SLC38A9: variants seen among roughly 807,000 people sequenced by gnomAD.
The protein encoded by SLC38A9 is neutral amino acid transporter 9.
SLC38A9 carries 48 observed loss-of-function variants against 62.3 expected under a neutral mutation model. That is an observed-to-expected ratio of 0.77 (90% CI 0.61 to 0.98). SLC38A9 has a LOEUF of 0.98. Ranked by LOEUF, SLC38A9 falls within the 50% of genes least tolerant of loss-of-function variation. The pLI, the probability that SLC38A9 is intolerant of heterozygous loss-of-function variation, is 0.00. For synonymous variants in SLC38A9, 204 were observed against 227.7 expected, an observed-to-expected ratio of 0.90 and a Z score of 0.94; for missense variants, 541 against 679.8, an observed-to-expected ratio of 0.80 and a Z score of 2.27.
intron 3 of SLC38A9, among the ~76,000 whole-genome samples, chr5:55,683,825 T>G (rs1316273482): frequency 6.6e-6 from 1 of 152,216 alleles, no homozygotes; most frequent in Non-Finnish European, 1.5e-5. Context: ...TCTTTGGAGC[T>G]CTTATAAATC....
At chr5:55,626,762 A>G in intron 15 of SLC38A9, 103 bp from the exon 16 acceptor site, 1 of 1,015,958 alleles carries the variant, frequency 9.8e-7, no homozygotes, top group Non-Finnish European at 1.4e-6. Flanking sequence ...CTGATAGCTC[A>G]ACAAAAATTA....
Position 55,664,677 on chromosome 5 carries a change from T to C in SLC38A9, c.697+16A>G, listed in dbSNP as rs1203698560. 1.4e-6 allele frequency: 2 copies of C among 1,384,566 alleles called. No homozygotes were observed. The highest frequency in any genetic ancestry group is 1.5e-5 in the African/African-American group (1 of 67,288). 85.8% of individuals were successfully genotyped at this position (1,384,566 alleles called of 1,614,324 possible). A position where few individuals can be genotyped will look rare whatever the true frequency, so the allele number is the denominator to read the frequency against. On this transcript the variant is annotated intron_variant, in intron 8 of 15. Coordinates refer to ENST00000396865, the MANE Select transcript of SLC38A9 (RefSeq NM_173514.4). ...TTGAAAGTACTGTGTTAAAAGCATATGATATAGATACTTACTAAAAATAAA... is the reference window on the plus strand; with the variant it reads ...TTGAAAGTACTGTGTTAAAAGCATACGATATAGATACTTACTAAAAATAAA...
At chr5:55,627,802 C>T (rs1580046767) in intron 15 of SLC38A9, 89 bp downstream of exon 15, 2 of 793,220 alleles carry the variant, frequency 2.5e-6, no homozygotes, top group Admixed American at 4.6e-5. Flanking sequence ...GAATTTCATA[C>T]AATTAAATTA....
At chr5:55,708,893 A>G (rs1291511269) in intron 2 of SLC38A9, among the ~76,000 whole-genome samples, 2 of 152,240 alleles carry the variant, frequency 1.3e-5, no homozygotes, top group African/African-American at 4.8e-5. Context: ...TCAGCAGGCC[A>G]AATTTGGTCA....
In SLC38A9 at chr5:55,649,208, T is replaced by C; in HGVS notation, c.1059A>G (p.Pro353=). 1 of 1,574,206 alleles carries C rather than the reference T, an allele frequency of 6.4e-7. No homozygotes were observed. The highest frequency in any genetic ancestry group is 8.6e-7 in the Non-Finnish European group (1 of 1,157,410). ...TTATTATTTTGCCAAAAAGCTCACC[T>C]GGTACAAAAAATTCTGTTGGTATAA... ...HWFIPTEFFV[P]EIRFQFPQLT... Residue 353 remains proline, a splice_region_variant and synonymous_variant, in exon 11 of 16, where the codon CCA becomes CCG. Transcript: ENST00000396865.
At position 55,652,587 on chromosome 5, in the gene SLC38A9, G is replaced by A. The variant is rs1272438320; in HGVS notation, c.894C>T (p.Leu298=). ...ACTTGAAATTGAGCAGTGGGAGGAG[G>A]AGCCCTACAAGATAAAAGGGGACTG... ...SRTVPFYLVG[L]LLPLLNFKSP... Residue 298 remains leucine, a synonymous_variant, in exon 10 of 16, where the codon CTC becomes CTT. Transcript: ENST00000396865. 1.9e-6 allele frequency: 3 copies of A among 1,610,900 alleles called. No homozygotes were observed. Among genetic ancestry groups the A allele is most frequent in the Non-Finnish European group, 2.5e-6 (3 of 1,178,212 alleles).
chr5:55,639,217 G>T (rs557329560), intron 12 of SLC38A9, among the ~76,000 whole-genome samples: 1 of 145,878 alleles, frequency 6.9e-6, no homozygotes, highest in African/African-American at 2.6e-5. Context: ...AGGTTGCAGC[G>T]AGCCAAGATG....
chr5:55,707,222 T>C (rs115501782), intron 2 of SLC38A9, among the ~76,000 whole-genome samples: 37 of 152,252 alleles, frequency 2.4e-4, no homozygotes, highest in African/African-American at 7.9e-4. Context: ...TGATGAGAAG[T>C]ATAAAATATC....
intron 14 of SLC38A9, among the ~76,000 whole-genome samples, chr5:55,632,401 G>A (rs1743631996): frequency 6.6e-6 from 1 of 152,146 alleles, no homozygotes; most frequent in Non-Finnish European, 1.5e-5. Context: ...TCGCGCCACT[G>A]CACTCCAGCC....
At chr5:55,675,425 G>A (rs1355333296) in intron 3 of SLC38A9, 1 of 146,044 alleles carries the variant, frequency 6.8e-6, no homozygotes, top group Non-Finnish European at 1.5e-5. Context: ...AGAAACATAT[G>A]CTTAAAGCTT....
intron 3 of SLC38A9, among the ~76,000 whole-genome samples, chr5:55,693,666 C>T (rs1378653526): frequency 6.6e-6 from 1 of 152,108 alleles, no homozygotes; most frequent in Admixed American, 6.6e-5. Context: ...GCAGAATATG[C>T]CTCATTTAAT....
At chr5:55,681,684 C>T (rs567373741) in intron 3 of SLC38A9, among the ~76,000 whole-genome samples, 1 of 152,140 alleles carries the variant, frequency 6.6e-6, no homozygotes, top group Non-Finnish European at 1.5e-5. Flanking sequence ...TTATTAACTT[C>T]CTCAGAAACA....
At chr5:55,669,034 T>G in intron 7 of SLC38A9, 194 bp downstream of exon 7, 1 of 361,846 alleles carries the variant, frequency 2.8e-6, no homozygotes, top group Non-Finnish European at 5.0e-6. Context: ...ACTCCCAGCT[T>G]CTCTGAATTT....
intron 14 of SLC38A9, 141 bp downstream of exon 14, chr5:55,633,613 G>T: frequency 9.0e-7 from 1 of 1,115,462 alleles, no homozygotes; most frequent in Non-Finnish European, 1.3e-6. Context: ...CTTCAGGGAA[G>T]AGGACACCAA....
At chr5:55,638,182 A>C (rs138675809) in intron 12 of SLC38A9, among the ~76,000 whole-genome samples, 192 of 152,336 alleles carry the variant, frequency 1.3e-3, no homozygotes, top group African/African-American at 4.4e-3. Flanking sequence ...CTTTTATTAT[A>C]AAAGCAGCTG....
At chr5:55,658,232 C>T (rs887089976) in intron 8 of SLC38A9, among the ~76,000 whole-genome samples, 1 of 152,138 alleles carries the variant, frequency 6.6e-6, no homozygotes, top group Admixed American at 6.5e-5. Flanking sequence ...CGCATGACTG[C>T]AACCTCCACC....
At chr5:55,687,384 G>A (rs1754051125) in intron 3 of SLC38A9, among the ~76,000 whole-genome samples, 1 of 126,584 alleles carries the variant, frequency 7.9e-6, no homozygotes, top group Non-Finnish European at 1.6e-5. Context: ...CGGAGATCGC[G>A]CCACAGCACT....
At chr5:55,694,794 C>A (rs1238460792) in intron 3 of SLC38A9, among the ~76,000 whole-genome samples, 1 of 144,172 alleles carries the variant, frequency 6.9e-6, no homozygotes, top group African/African-American at 2.5e-5. Context: ...TGCTCTATCA[C>A]CAGGCTGGAG....
intron 6 of SLC38A9, 117 bp from the exon 7 acceptor site, chr5:55,669,438 T>C (rs1217630417): frequency 1.6e-6 from 2 of 1,284,718 alleles, no homozygotes; most frequent in Admixed American, 4.4e-5. Flanking sequence ...AAAAACTAAA[T>C]ATAACCATCT....
Sources: gnomAD v4.1 joint callset for allele counts (sites outside exome capture counted in the v4.1 genomes callset) on GRCh38, gnomAD v4.1.1 for gene constraint, MANE v1.5 for transcripts, NCBI Gene and HGNC (gene_info 2026-07-23, HGNC 2026-07-21) for gene names.